Variants in CDH4 observed in about 807,000 individuals in gnomAD.
The protein encoded by CDH4 is cadherin-4.
CDH4 carries 33 observed loss-of-function variants against 86.0 expected under a neutral mutation model. That is an observed-to-expected ratio of 0.38 (90% CI 0.29 to 0.51). The LOEUF is 0.51. CDH4 is among the 20% of genes least tolerant of loss of function. CDH4 has a pLI of 0.86. For missense variants in CDH4, 1,114 were observed against 1,307.4 expected (o/e 0.85, Z 2.28); for synonymous variants, 555 against 549.4 (o/e 1.01, Z -0.14).
At chr20:61,384,333 C>T (rs913436676) in intron 2 of CDH4, among the ~76,000 whole-genome samples, 4 of 152,082 alleles carry the variant, frequency 2.6e-5, no homozygotes, top group African/African-American at 9.7e-5. Context: ...ACAGGGTCTC[C>T]CCACAGAGCA....
intron 2 of CDH4, among the ~76,000 whole-genome samples, chr20:61,302,950 G>A (rs570119569): frequency 1.3e-5 from 2 of 152,300 alleles, no homozygotes; most frequent in Non-Finnish European, 1.5e-5. Flanking sequence ...GAGGCCATGA[G>A]CCCATAACAC....
At chr20:61,629,275 G>C (rs2086861550) in intron 2 of CDH4, among the ~76,000 whole-genome samples, 1 of 152,200 alleles carries the variant, frequency 6.6e-6, no homozygotes, top group Non-Finnish European at 1.5e-5. Context: ...CCCCCAGCCG[G>C]AGCCCTCCAG....
chr20:61,425,851 A>C (rs890461644), intron 2 of CDH4, among the ~76,000 whole-genome samples: 15 of 139,214 alleles, frequency 1.1e-4, no homozygotes, highest in Non-Finnish European at 1.7e-4. Flanking sequence ...GTACATTCTC[A>C]AAGGCCCCGC....
intron 8 of CDH4, among the ~76,000 whole-genome samples, chr20:61,901,228 C>T (rs896866058): frequency 2.3e-4 from 27 of 115,902 alleles, no homozygotes; most frequent in East Asian, 6.8e-4. Flanking sequence ...GGAGTAGGGG[C>T]AGGGGCAGGG....
rs765560956 is a variant in CDH4, at chr20:61,684,366, G to A, written c.170-59197G>A. Among the ~76,000 whole-genome samples the A allele has an allele frequency of 2.6e-5, 4 of 152,212 alleles. No individual in the cohort carries two copies. Among genetic ancestry groups the A allele is most frequent in the Non-Finnish European group, 5.9e-5 (4 of 68,034 alleles). On this transcript the variant is annotated intron_variant, in intron 2 of 15. Coordinates refer to ENST00000614565, the MANE Select transcript of CDH4 (RefSeq NM_001794.5). This position sits in a 1 kb window ranked among gnomAD's most constrained non-coding sequence, Gnocchi z 4.5. ...TAAGGAAGCAGCAAGCGCGGAGCACGTGGCCTCAACCTCCGTCTTGCTTAT... is the reference window on the plus strand; with the variant it reads ...TAAGGAAGCAGCAAGCGCGGAGCACATGGCCTCAACCTCCGTCTTGCTTAT...
intron 2 of CDH4, among the ~76,000 whole-genome samples, chr20:61,305,768 G>A (rs2084413634): frequency 6.6e-6 from 1 of 152,188 alleles, no homozygotes; most frequent in African/African-American, 2.4e-5. Context: ...TCATTTTCAT[G>A]AAAGATGCTG....
intron 2 of CDH4, among the ~76,000 whole-genome samples, chr20:61,693,229 C>T (rs1338541854): frequency 6.6e-6 from 1 of 152,134 alleles, no homozygotes; most frequent in African/African-American, 2.4e-5. Flanking sequence ...CTGATGCTTT[C>T]CTGTGATGAA....
intron 2 of CDH4, among the ~76,000 whole-genome samples, chr20:61,319,069 C>G (rs2084493767): frequency 6.6e-6 from 1 of 152,246 alleles, no homozygotes; most frequent in African/African-American, 2.4e-5. Flanking sequence ...GGTGACAGCA[C>G]TGAGCGCTTG....
intron 2 of CDH4, among the ~76,000 whole-genome samples, chr20:61,653,915 C>T (rs540792266): frequency 3.7e-5 from 4 of 109,460 alleles, no homozygotes; most frequent in African/African-American, 9.7e-5. Context: ...ATGGCGGCCG[C>T]GCAGAGACAC....
At chr20:61,935,379 A>G (rs1331979381) in intron 15 of CDH4, among the ~76,000 whole-genome samples, 2 of 152,378 alleles carry the variant, frequency 1.3e-5, no homozygotes, top group Non-Finnish European at 2.9e-5. Flanking sequence ...CTGCTCTGAC[A>G]ACATGACGCT....
At chr20:61,633,383 A>G (rs1434726155) in intron 2 of CDH4, among the ~76,000 whole-genome samples, 4 of 151,706 alleles carry the variant, frequency 2.6e-5, no homozygotes, top group African/African-American at 9.7e-5. Context: ...CTATTCATCT[A>G]TTCATCCATC....
chr20:61,683,473 C>A (rs1273672332), intron 2 of CDH4, among the ~76,000 whole-genome samples: 1 of 152,144 alleles, frequency 6.6e-6, no homozygotes, highest in Non-Finnish European at 1.5e-5. Context: ...GTCGTGGAGG[C>A]CCGTGGGCAG....
chr20:61,782,323 A>C (rs1978591116), intron 4 of CDH4, among the ~76,000 whole-genome samples: 1 of 152,110 alleles, frequency 6.6e-6, no homozygotes, highest in Non-Finnish European at 1.5e-5. Context: ...AATAAAAATA[A>C]AAATGAAGGT....
chr20:61,729,129 G>C (rs2088148599), intron 2 of CDH4, among the ~76,000 whole-genome samples: 1 of 150,820 alleles, frequency 6.6e-6, no homozygotes, highest in Non-Finnish European at 1.5e-5. Flanking sequence ...AGCGTGTTTT[G>C]ACAAGAGGCC....
chr20:61,869,165 C>T (rs1049773652), intron 6 of CDH4, among the ~76,000 whole-genome samples: 4 of 152,178 alleles, frequency 2.6e-5, no homozygotes, highest in African/African-American at 9.7e-5. Context: ...AAGGTCTTCC[C>T]TTGGTAGAAC....
rs73917937 is a variant in CDH4 at position 61,520,797 on chromosome 20, T to C, written c.170-222766T>C. On this transcript the variant is annotated intron_variant, in intron 2 of 15. Transcript: ENST00000614565. ...TACTGCTTATTAGAGGTCTTTAACC[T>C]GAAGGAGCTTCAGTCTTGTTGGGAA... 2.5e-3 allele frequency among the ~76,000 whole-genome samples: 383 copies of C among 152,342 alleles called. 3 individuals are homozygous for C. Among genetic ancestry groups the C allele is most frequent in the African/African-American group, 8.5e-3 (352 of 41,582 alleles).
intron 2 of CDH4, among the ~76,000 whole-genome samples, chr20:61,692,209 CTATG>C (rs757981535): frequency 2.6e-4 from 39 of 147,172 alleles, no homozygotes; most frequent in East Asian, 1.4e-3. Context: ...GTGTGTATGT[CTATG>C]TATGTATGTG....
chr20:61,808,611 A>G (rs986719505), intron 4 of CDH4, among the ~76,000 whole-genome samples: 2 of 152,164 alleles, frequency 1.3e-5, no homozygotes, highest in Non-Finnish European at 2.9e-5. Flanking sequence ...GTGATTTGAA[A>G]CAGAAGAGCA....
intron 8 of CDH4, among the ~76,000 whole-genome samples, chr20:61,906,221 T>A (rs2054786714): frequency 6.6e-6 from 1 of 152,244 alleles, no homozygotes; most frequent in South Asian, 2.1e-4. Flanking sequence ...AGTATTTTCA[T>A]CTATGGTCAG....
Sources: allele counts gnomAD v4.1 joint callset (sites outside exome capture counted in the v4.1 genomes callset), GRCh38; gene constraint gnomAD v4.1.1; non-coding constraint Gnocchi (gnomAD v3.1); transcripts MANE v1.5; gene names NCBI Gene and HGNC (gene_info 2026-07-23, HGNC 2026-07-21).